Variants in FAM216A observed in about 807,000 individuals in gnomAD.
The protein encoded by FAM216A is protein FAM216A.
A neutral mutation model predicts 37.6 loss-of-function variants in FAM216A; 26 were observed. That is an observed-to-expected ratio of 0.69 (90% CI 0.51 to 0.96). The LOEUF (loss-of-function observed/expected upper bound fraction) is 0.96. Among genes scored for constraint, FAM216A ranks in the 40% least tolerant of loss-of-function variants. The pLI, the probability that FAM216A is intolerant of heterozygous loss-of-function variation, is 0.00. For missense variants in FAM216A, 326 were observed against 339.3 expected (o/e 0.96, Z 0.31); for synonymous variants, 110 against 121.7 (o/e 0.90, Z 0.64).
At chr12:110,489,815 C>T (rs977874666) in intron 6 of FAM216A, among the ~76,000 whole-genome samples, 3 of 152,112 alleles carry the variant, frequency 2.0e-5, no homozygotes, top group Admixed American at 1.3e-4. Context: ...AGAGAATTTG[C>T]TGTACAGTAA....
intron 2 of FAM216A, among the ~76,000 whole-genome samples, chr12:110,476,452 C>T (rs1035626681): frequency 1.3e-5 from 2 of 151,394 alleles, no homozygotes; most frequent in Non-Finnish European, 3.0e-5. Context: ...TCGTGATCTA[C>T]CCGCCTCGGC....
At chr12:110,485,674 G>GT (rs1215419078) in intron 3 of FAM216A, among the ~76,000 whole-genome samples, 1 of 152,136 alleles carries the variant, frequency 6.6e-6, no homozygotes, top group Non-Finnish European at 1.5e-5. Context: ...ATTAACGATC[G>GT]TAACTGCTAA....
In FAM216A at chr12:110,485,176, A is replaced by AT; in HGVS notation, c.284dup (p.Met95IlefsTer25). 6.2e-7 allele frequency: 1 copy of AT among 1,611,198 alleles called. No homozygotes were observed. Among genetic ancestry groups the AT allele is most frequent in the South Asian group, 1.1e-5 (1 of 90,498 alleles). ...TCAAACAATCCACCTCTCTAAATCA[A>AT]TGATGGAGGCGTCCTTTTTCAAGGT... On this transcript the variant is annotated frameshift_variant, in exon 3 of 7. Coordinates refer to ENST00000377673, the MANE Select transcript of FAM216A (RefSeq NM_013300.3). LOFTEE classifies it high-confidence loss of function.
At chr12:110,482,981 G>A (rs1385593830) in intron 2 of FAM216A, among the ~76,000 whole-genome samples, 1 of 151,986 alleles carries the variant, frequency 6.6e-6, no homozygotes, top group Non-Finnish European at 1.5e-5. Context: ...CACATCAGTG[G>A]TTGCCTGGAG....
intron 2 of FAM216A, 87 bp downstream of exon 2, chr12:110,473,205 T>TTTTTATC (rs1165758951): frequency 1.5e-6 from 1 of 684,394 alleles, no homozygotes; most frequent in Non-Finnish European, 2.4e-6. Flanking sequence ...CACAATAGAG[T>TTTTTATC]TTTTTTCTTT....
chr12:110,486,194 A>T, intron 3 of FAM216A, 131 bp from the exon 4 acceptor site: 3 of 895,552 alleles, frequency 3.3e-6, no homozygotes, highest in Non-Finnish European at 4.9e-6. Context: ...TTGTCAAGTT[A>T]ACGTAGTTGA....
chr12:110,468,808 G>A, upstream of FAM216A: 4 of 1,457,846 alleles, frequency 2.7e-6, no homozygotes, highest in Non-Finnish European at 3.6e-6. Flanking sequence ...GGAGGGGCGA[G>A]AAGCCAGCAT....
In FAM216A at chr12:110,486,638, T is replaced by C. The variant is rs2062778530; in HGVS notation, c.541T>C (p.Ser181Pro). The change falls in exon 5 of 7, where the codon TCT (serine) becomes CCT (proline). Residue 181 changes from serine (S) to proline (P), a missense_variant. By Grantham distance (74) the Ser-to-Pro change is moderately conservative. Transcript: ENST00000377673. ...TCAACTGGAGAGAGAGGACTCGGGG[T>C]CTTCTGATATCGCAGCTGCATCTGC... ...RHQLEREDSG[S>P]SDIAAASAPE... 3.1e-6 allele frequency: 5 copies of C among 1,613,954 alleles called. No homozygotes were observed. Among genetic ancestry groups the C allele is most frequent in the Non-Finnish European group, 4.2e-6 (5 of 1,180,026 alleles).
chr12:110,477,027 T>G (rs2062718321), intron 2 of FAM216A, among the ~76,000 whole-genome samples: 1 of 152,242 alleles, frequency 6.6e-6, no homozygotes, highest in Non-Finnish European at 1.5e-5. Flanking sequence ...GGCCCAGGCC[T>G]GTTCTTTTGT....
At chr12:110,484,474 T>C (rs1046942898) in intron 2 of FAM216A, among the ~76,000 whole-genome samples, 1 of 137,350 alleles carries the variant, frequency 7.3e-6, no homozygotes, top group African/African-American at 2.7e-5. Flanking sequence ...TAAAGTTAAA[T>C]GATAATAAAA....
intron 2 of FAM216A, among the ~76,000 whole-genome samples, chr12:110,476,022 G>A (rs758827586): frequency 1.3e-5 from 2 of 152,090 alleles, no homozygotes; most frequent in Non-Finnish European, 2.9e-5. Flanking sequence ...ACAGGCGTGA[G>A]CCACCACGCC....
intron 2 of FAM216A, among the ~76,000 whole-genome samples, chr12:110,475,525 A>T (rs1369600429): frequency 6.6e-6 from 1 of 152,122 alleles, no homozygotes; most frequent in African/African-American, 2.4e-5. Context: ...GGCATGAGCC[A>T]CAGCGCCTGG....
At chr12:110,476,203 G>GTTT (rs59041502) in intron 2 of FAM216A, among the ~76,000 whole-genome samples, 1 of 142,144 alleles carries the variant, frequency 7.0e-6, no homozygotes. Flanking sequence ...AGTTGTCAAT[G>GTTT]TTTTTTTTTT....
chr12:110,473,061 C>G lies in FAM216A; in HGVS notation c.144-17C>G, dbSNP rs1592975185. 7.4e-7 allele frequency: 1 copy of G among 1,346,678 alleles called. No individual in the cohort carries two copies. 83.4% of individuals were successfully genotyped at this position (1,346,678 alleles called of 1,614,324 possible). On this transcript the variant is annotated splice_polypyrimidine_tract_variant and intron_variant, in intron 1 of 6. Coordinates refer to ENST00000377673, the MANE Select transcript of FAM216A (RefSeq NM_013300.3). ...GTAATTATTACATATTATTTATATG[C>G]TTTATTTTTTCAACAGATCAGCTGG...
At chr12:110,477,550 G>A (rs1246195565) in intron 2 of FAM216A, among the ~76,000 whole-genome samples, 4 of 151,700 alleles carry the variant, frequency 2.6e-5, no homozygotes, top group Non-Finnish European at 5.9e-5. Context: ...TAGAGACGGG[G>A]TCTCACTGTG....
chr12:110,474,432 G>A (rs1366276535), intron 2 of FAM216A, among the ~76,000 whole-genome samples: 2 of 152,036 alleles, frequency 1.3e-5, no homozygotes, highest in African/African-American at 4.8e-5. Flanking sequence ...GCTCACACCT[G>A]TAATCCCAGT....
At chr12:110,474,728 G>A (rs1024550015) in intron 2 of FAM216A, among the ~76,000 whole-genome samples, 3 of 140,000 alleles carry the variant, frequency 2.1e-5, no homozygotes, top group South Asian at 2.3e-4. Flanking sequence ...AATGCTGGGC[G>A]CCGTGGCTCA....
At chr12:110,471,750 G>A (rs896468819) in intron 1 of FAM216A, among the ~76,000 whole-genome samples, 10 of 152,190 alleles carry the variant, frequency 6.6e-5, no homozygotes, top group Non-Finnish European at 1.3e-4. Flanking sequence ...AGGAAGCGGC[G>A]GTGAAAAGTT....
In FAM216A at chr12:110,473,132, A is replaced by G. The variant is rs1385801939; in HGVS notation, c.184+14A>G. 3 of 1,463,134 alleles carry G rather than the reference A, an allele frequency of 2.1e-6. No individual in the cohort carries two copies. The highest frequency in any genetic ancestry group is 2.4e-5 in the South Asian group (2 of 82,450). The allele number at this position is 1,463,134 out of a possible 1,614,324, so 90.6% of individuals were successfully genotyped here. A position where few individuals can be genotyped will look rare whatever the true frequency, so the allele number is the denominator to read the frequency against. ...CCAAAGGTTCTGGTGAGTAGTGCAT[A>G]TAAAGCAGATAATACTTATAAGTAA... On this transcript the variant is annotated intron_variant, in intron 2 of 6. Transcript: ENST00000377673.
Sources: gnomAD v4.1 joint callset for allele counts (sites outside exome capture counted in the v4.1 genomes callset) on GRCh38, gnomAD v4.1.1 for gene constraint, MANE v1.5 for transcripts, NCBI Gene and HGNC (gene_info 2026-07-23, HGNC 2026-07-21) for gene names.